Variants in LRBA observed in about 807,000 individuals in gnomAD.
LRBA encodes LPS responsive beige-like anchor protein, also known as lipopolysaccharide-responsive and beige-like anchor protein.
LRBA carries 176 observed loss-of-function variants against 330.0 expected under a neutral mutation model. That is an observed-to-expected ratio of 0.53 (90% CI 0.47 to 0.60). The LOEUF is 0.60. Ranked by LOEUF, LRBA falls within the 20% of genes least tolerant of loss-of-function variation. The pLI is 0.00. For missense variants in LRBA, 3,259 were observed against 3,444.8 expected (o/e 0.95, Z 1.35); for synonymous variants, 1,230 against 1,193.0 (o/e 1.03, Z -0.64).
intron 35 of LRBA, among the ~76,000 whole-genome samples, chr4:150,743,575 G>A (rs980999195): frequency 6.6e-6 from 1 of 152,122 alleles, no homozygotes; most frequent in African/African-American, 2.4e-5. Flanking sequence ...GCAAATTAAG[G>A]CCTGTGTGCC....
At chr4:150,828,869 C>T in intron 29 of LRBA, among the ~76,000 whole-genome samples, 1 of 151,536 alleles carries the variant, frequency 6.6e-6, no homozygotes, top group South Asian at 2.1e-4. Context: ...TGGGTAGCAA[C>T]ACAAGGTTGA....
chr4:150,371,219 G>T (rs1740262025), intron 47 of LRBA, among the ~76,000 whole-genome samples: 1 of 103,962 alleles, frequency 9.6e-6, no homozygotes, highest in African/African-American at 4.6e-5. Flanking sequence ...TGGAGACAGA[G>T]TCTCACTCTG....
intron 36 of LRBA, among the ~76,000 whole-genome samples, chr4:150,696,036 C>G (rs1374618913): frequency 6.6e-6 from 1 of 152,054 alleles, no homozygotes; most frequent in Non-Finnish European, 1.5e-5. Context: ...TCAAAGCCAG[C>G]CTGGGCAACA....
intron 47 of LRBA, among the ~76,000 whole-genome samples, chr4:150,390,171 T>C (rs1257160540): frequency 6.6e-6 from 1 of 152,172 alleles, no homozygotes; most frequent in Non-Finnish European, 1.5e-5. Flanking sequence ...AGTTGAAATG[T>C]TTCTGCAACT....
In LRBA at chr4:150,583,870, G is replaced by A. The variant is rs1298787047; in HGVS notation, c.6330+4178C>T. ...CCACATGAAGACGCTGCTGCTGTAC[G>A]AGTGCGAGAAACACCCACGAGAAAC... On this transcript the variant is annotated intron_variant, in intron 40 of 56. Transcript: ENST00000651943. The surrounding 1 kb of genome is among the most constrained non-coding windows in gnomAD (Gnocchi z 9.8). 1 of 1,613,880 alleles carries A rather than the reference G, an allele frequency of 6.2e-7. No homozygotes were observed. Among genetic ancestry groups the A allele is most frequent in the Non-Finnish European group, 8.5e-7 (1 of 1,179,960 alleles).
At chr4:150,343,261 G>C (rs1038386999) in intron 48 of LRBA, among the ~76,000 whole-genome samples, 1 of 152,172 alleles carries the variant, frequency 6.6e-6, no homozygotes, top group African/African-American at 2.4e-5. Context: ...TGTTTATGAA[G>C]ACAGAGAGGC....
chr4:151,012,388 T>C (rs1210561458), intron 2 of LRBA, among the ~76,000 whole-genome samples: 1 of 152,216 alleles, frequency 6.6e-6, no homozygotes, highest in Non-Finnish European at 1.5e-5. Context: ...CAAAAGATGT[T>C]GTGTCTTCAC....
chr4:150,832,938 T>A (rs1328186100), intron 28 of LRBA, among the ~76,000 whole-genome samples: 2 of 152,056 alleles, frequency 1.3e-5, no homozygotes, highest in Non-Finnish European at 2.9e-5. Flanking sequence ...TCCAGCTAAT[T>A]TTTGTTTTTT....
At chr4:150,754,726 C>T (rs1381410203) in intron 35 of LRBA, among the ~76,000 whole-genome samples, 1 of 151,858 alleles carries the variant, frequency 6.6e-6, no homozygotes, top group Non-Finnish European at 1.5e-5. Flanking sequence ...GCCTGAGCGA[C>T]AAGGCAAGAA....
intron 47 of LRBA, among the ~76,000 whole-genome samples, chr4:150,375,437 C>T (rs1352279960): frequency 6.6e-6 from 1 of 151,932 alleles, no homozygotes; most frequent in Non-Finnish European, 1.5e-5. Context: ...CATCCAATTC[C>T]TCTTGAAACA....
intron 47 of LRBA, among the ~76,000 whole-genome samples, chr4:150,403,173 C>A (rs960933763): frequency 8.5e-5 from 13 of 152,188 alleles, no homozygotes; most frequent in Admixed American, 3.3e-4. Context: ...GGTGCCATGG[C>A]CCAGTGCCAG....
At chr4:150,437,646 T>C (rs914840081) in intron 44 of LRBA, among the ~76,000 whole-genome samples, 1 of 151,536 alleles carries the variant, frequency 6.6e-6, no homozygotes, top group East Asian at 1.9e-4. Flanking sequence ...CAGAGCAATA[T>C]AGCAACATGG....
intron 36 of LRBA, among the ~76,000 whole-genome samples, chr4:150,724,857 TA>T (rs1729441112): frequency 6.8e-6 from 1 of 147,154 alleles, no homozygotes; most frequent in Non-Finnish European, 1.5e-5. Flanking sequence ...TAAAATAAAA[TA>T]AATTTAAATA....
chr4:150,381,860 T>C (rs1456556864), intron 47 of LRBA, among the ~76,000 whole-genome samples: 2 of 152,232 alleles, frequency 1.3e-5, no homozygotes, highest in Non-Finnish European at 2.9e-5. Context: ...CTAGTGGTTG[T>C]GAAGTGGTAT....
At chr4:150,755,426 G>C (rs1734158223) in intron 35 of LRBA, among the ~76,000 whole-genome samples, 1 of 152,132 alleles carries the variant, frequency 6.6e-6, no homozygotes, top group Non-Finnish European at 1.5e-5. Context: ...AGTCACAGCA[G>C]CACATCTAAA....
At chr4:150,470,876 C>CACCA (rs1554034850) in intron 43 of LRBA, among the ~76,000 whole-genome samples, 13,063 of 143,560 alleles carry the variant, frequency 0.091, 680 homozygotes, top group Middle Eastern at 0.15. Flanking sequence ...CACACACACA[C>CACCA]CACACACTAA....
chr4:150,289,932 T>G (rs555665428), intron 53 of LRBA, among the ~76,000 whole-genome samples: 7 of 152,256 alleles, frequency 4.6e-5, no homozygotes, highest in Admixed American at 4.6e-4. Flanking sequence ...GTAGCGGGGA[T>G]AATCGGAGGC....
chr4:150,359,720 C>G (rs1007958240), intron 47 of LRBA, among the ~76,000 whole-genome samples: 2 of 152,140 alleles, frequency 1.3e-5, no homozygotes, highest in Non-Finnish European at 2.9e-5. Context: ...GTGGGTTACA[C>G]CTGTAATCCC....
At chr4:150,755,334 A>G (rs1456294841) in intron 35 of LRBA, among the ~76,000 whole-genome samples, 1 of 152,234 alleles carries the variant, frequency 6.6e-6, no homozygotes, top group Non-Finnish European at 1.5e-5. Context: ...GACTGGCTCT[A>G]GAGGATGATT....
Sources: allele counts gnomAD v4.1 joint callset (sites outside exome capture counted in the v4.1 genomes callset), GRCh38; gene constraint gnomAD v4.1.1; non-coding constraint Gnocchi (gnomAD v3.1); transcripts MANE v1.5; gene names NCBI Gene and HGNC (gene_info 2026-07-23, HGNC 2026-07-21).